Variants in PKP4 observed in about 807,000 individuals in gnomAD.
PKP4 encodes plakophilin 4.
PKP4 carries 90 observed loss-of-function variants against 145.1 expected under a neutral mutation model. The observed-to-expected ratio is 0.62, with a 90% confidence interval of 0.52 to 0.74. The LOEUF (loss-of-function observed/expected upper bound fraction) is 0.74. Ranked by LOEUF, PKP4 falls within the 30% of genes least tolerant of loss-of-function variation. PKP4 has a pLI of 0.00. For missense variants in PKP4, 1,340 were observed against 1,482.7 expected (o/e 0.90, Z 1.58); for synonymous variants, 563 against 577.2 (o/e 0.98, Z 0.35).
At chr2:158,654,248 A>C (rs1049981000) in intron 11 of PKP4, among the ~76,000 whole-genome samples, 3 of 152,220 alleles carry the variant, frequency 2.0e-5, no homozygotes, top group Non-Finnish European at 4.4e-5. Context: ...CACACAATGC[A>C]GGGTGATAAA....
At chr2:158,614,283 A>G (rs781720450) in intron 4 of PKP4, among the ~76,000 whole-genome samples, 4 of 152,226 alleles carry the variant, frequency 2.6e-5, no homozygotes, top group Admixed American at 2.0e-4. Context: ...TAAAACTTCA[A>G]TTACAAAAAA....
chr2:158,532,385 T>A (rs965716779), intron 1 of PKP4, among the ~76,000 whole-genome samples: 2 of 152,214 alleles, frequency 1.3e-5, no homozygotes, highest in African/African-American at 4.8e-5. Context: ...TAGCAAACAT[T>A]AATTGAATAC....
chr2:158,619,321 A>T (rs1018286559), intron 4 of PKP4, among the ~76,000 whole-genome samples: 1 of 152,196 alleles, frequency 6.6e-6, no homozygotes, highest in Non-Finnish European at 1.5e-5. Flanking sequence ...TACAATCTTT[A>T]ATCTTTGTTG....
intron 9 of PKP4, among the ~76,000 whole-genome samples, chr2:158,639,200 G>A (rs2054064764): frequency 1.3e-5 from 2 of 152,160 alleles, no homozygotes; most frequent in Admixed American, 1.3e-4. Flanking sequence ...TCCTGTTATT[G>A]GTATTAAGAC....
intron 2 of PKP4, among the ~76,000 whole-genome samples, chr2:158,569,623 AAT>A (rs1476009931): frequency 4.6e-5 from 7 of 152,204 alleles, no homozygotes; most frequent in Non-Finnish European, 7.3e-5. Flanking sequence ...AGTACCTCTT[AAT>A]TCAGCCTTCC....
At chr2:158,499,380 C>T (rs956277017) in intron 1 of PKP4, among the ~76,000 whole-genome samples, 11 of 152,114 alleles carry the variant, frequency 7.2e-5, no homozygotes, top group Non-Finnish European at 1.3e-4. Context: ...TAGTGAAGTA[C>T]CACCTTTGAC....
At chr2:158,598,686 G>A (rs1409127381) in intron 3 of PKP4, among the ~76,000 whole-genome samples, 4 of 152,092 alleles carry the variant, frequency 2.6e-5, no homozygotes, top group East Asian at 1.9e-4. Flanking sequence ...GGAGAATGGT[G>A]TGAACCTGGG....
chr2:158,548,116 C>T (rs2045248226), intron 2 of PKP4, among the ~76,000 whole-genome samples: 3 of 152,056 alleles, frequency 2.0e-5, no homozygotes, highest in African/African-American at 7.2e-5. Context: ...CTGTGGAGTA[C>T]TCTGTACAGG....
intron 12 of PKP4, chr2:158,660,347 G>T: frequency 6.5e-6 from 1 of 152,770 alleles, no homozygotes. Context: ...AAGACAAGGA[G>T]CAGAAGGCAC....
chr2:158,585,473 A>G (rs1367078041), intron 3 of PKP4, among the ~76,000 whole-genome samples: 1 of 152,182 alleles, frequency 6.6e-6, no homozygotes, highest in Non-Finnish European at 1.5e-5. Context: ...TTCGATTGAT[A>G]TTACTAAAAA....
chr2:158,586,239 G>A (rs2048794437), intron 3 of PKP4, among the ~76,000 whole-genome samples: 1 of 152,152 alleles, frequency 6.6e-6, no homozygotes, highest in African/African-American at 2.4e-5. Flanking sequence ...TGTATTTTAA[G>A]AGGGAAAAAT....
At chr2:158,517,643 T>C (rs1401669431) in intron 1 of PKP4, among the ~76,000 whole-genome samples, 1 of 152,080 alleles carries the variant, frequency 6.6e-6, no homozygotes, top group Non-Finnish European at 1.5e-5. Context: ...ATTCCTGTGC[T>C]ACTTGCACAT....
chr2:158,644,652 T>G (rs1244101826), intron 11 of PKP4, among the ~76,000 whole-genome samples: 1 of 152,208 alleles, frequency 6.6e-6, no homozygotes, highest in Non-Finnish European at 1.5e-5. Context: ...TGAATAAAGT[T>G]TTTAAATATG....
intron 1 of PKP4, among the ~76,000 whole-genome samples, chr2:158,461,787 C>G (rs1689809694): frequency 6.6e-6 from 1 of 151,478 alleles, no homozygotes. Flanking sequence ...TAGTACTGCT[C>G]TTCCTTCATC....
intron 1 of PKP4, among the ~76,000 whole-genome samples, chr2:158,483,895 A>G (rs948176581): frequency 6.6e-6 from 1 of 152,226 alleles, no homozygotes; most frequent in Non-Finnish European, 1.5e-5. Context: ...TAAAACTGCC[A>G]GCAGAAACCA....
chr2:158,602,970 T>A (rs2050349290), intron 3 of PKP4, 100 bp from the exon 4 acceptor site: 2 of 614,318 alleles, frequency 3.3e-6, no homozygotes, highest in African/African-American at 3.9e-5. Flanking sequence ...TCTTGTATAA[T>A]TTAATGTGGA....
Position 158,506,020 on chromosome 2 carries a change from A to G in PKP4, c.-5-27160A>G, listed in dbSNP as rs184136408. ...TAATAAGCCTGAACTTTTTCCCTCC[A>G]AGCTATACTGTGAAATGTGAATTTT... On this transcript the variant is annotated intron_variant, in intron 1 of 21. Coordinates refer to ENST00000389759, the MANE Select transcript of PKP4 (RefSeq NM_003628.6). Among the ~76,000 whole-genome samples, 306 of 152,314 alleles carry G rather than the reference A, an allele frequency of 2.0e-3. 2 individuals are homozygous for G. Among genetic ancestry groups the G allele is most frequent in the Non-Finnish European group, 3.7e-3 (254 of 68,020 alleles).
intron 4 of PKP4, among the ~76,000 whole-genome samples, chr2:158,609,308 T>A (rs2050927610): frequency 6.6e-6 from 1 of 152,176 alleles, no homozygotes. Flanking sequence ...GCAGTCCTAC[T>A]CAGAATAAAT....
In PKP4 at chr2:158,615,993, GCCTTT is replaced by G. The variant is rs1185831025; in HGVS notation, c.281-4992_281-4988del. ...TAGTTTCAAGAAACATGGTCTTTCT[GCCTTT>G]CCTTATGTCTTCACTTCCATTGAAA... On this transcript the variant is annotated intron_variant, in intron 4 of 21. Coordinates refer to ENST00000389759, the MANE Select transcript of PKP4 (RefSeq NM_003628.6). 2.0e-5 allele frequency among the ~76,000 whole-genome samples: 3 copies of G among 152,160 alleles called. No individual in the cohort carries two copies. The East Asian group carries it at 5.8e-4, about 29-fold the overall frequency.
Sources: allele counts gnomAD v4.1 joint callset (sites outside exome capture counted in the v4.1 genomes callset), GRCh38; gene constraint gnomAD v4.1.1; transcripts MANE v1.5; gene names NCBI Gene and HGNC (gene_info 2026-07-23, HGNC 2026-07-21).